PIP4K2A: variants seen among roughly 807,000 people sequenced by gnomAD.
The protein encoded by PIP4K2A is phosphatidylinositol-5-phosphate 4-kinase type 2 alpha, also known as phosphatidylinositol 5-phosphate 4-kinase type-2 alpha.
A neutral mutation model predicts 42.9 loss-of-function variants in PIP4K2A; 14 were observed. That is an observed-to-expected ratio of 0.33 (90% CI 0.22 to 0.51). The LOEUF is 0.51. Ranked by LOEUF, PIP4K2A falls within the 20% of genes least tolerant of loss-of-function variation. The pLI, the probability that PIP4K2A is intolerant of heterozygous loss-of-function variation, is 0.97. For synonymous variants in PIP4K2A, 192 were observed against 192.2 expected, an observed-to-expected ratio of 1.00 and a Z score of 0.01; for missense variants, 434 against 519.8, an observed-to-expected ratio of 0.83 and a Z score of 1.61.
At chr10:22,712,916 GT>G (rs1833936523) in intron 1 of PIP4K2A, among the ~76,000 whole-genome samples, 1 of 133,762 alleles carries the variant, frequency 7.5e-6, no homozygotes, top group African/African-American at 3.7e-5. Context: ...CATTGAGGGT[GT>G]GTGTGTGTGT....
chr10:22,624,465 T>C (rs962653161), intron 1 of PIP4K2A, among the ~76,000 whole-genome samples: 1 of 152,224 alleles, frequency 6.6e-6, no homozygotes, highest in African/African-American at 2.4e-5. Flanking sequence ...GTAAAGATGA[T>C]TCTAACATTT....
rs547213181 is a variant in PIP4K2A, at chr10:22,579,713, G to A, written c.493-6256C>T. 1.7e-4 allele frequency among the ~76,000 whole-genome samples: 26 copies of A among 152,106 alleles called. No homozygotes were observed. The South Asian group carries it at 3.7e-3, about 22-fold the overall frequency. ...TTGAAGTCAGGAGGAGATTGAGACC[G>A]GCCTGGCCAACATAGTGAAACCCCG... On this transcript the variant is annotated intron_variant, in intron 4 of 9. Transcript: ENST00000376573.
chr10:22,668,735 C>A (rs887244441), intron 1 of PIP4K2A, among the ~76,000 whole-genome samples: 2 of 152,114 alleles, frequency 1.3e-5, no homozygotes, highest in African/African-American at 2.4e-5. Context: ...TATTCCTTTC[C>A]AATACACAGT....
intron 5 of PIP4K2A, among the ~76,000 whole-genome samples, chr10:22,569,658 T>C (rs1424019396): frequency 6.6e-6 from 1 of 151,568 alleles, no homozygotes; most frequent in African/African-American, 2.4e-5. Flanking sequence ...TGTGTGTCTG[T>C]GTGTGTGTGT....
intron 1 of PIP4K2A, among the ~76,000 whole-genome samples, chr10:22,668,123 T>TGTATTTTTAGTA (rs1380620186): frequency 1.3e-5 from 2 of 152,162 alleles, no homozygotes; most frequent in Non-Finnish European, 1.5e-5. Flanking sequence ...AGCTGATTTT[T>TGTATTTTTAGTA]GTATTTTTAG....
intron 1 of PIP4K2A, among the ~76,000 whole-genome samples, chr10:22,644,994 A>G (rs1838850925): frequency 6.6e-6 from 1 of 152,236 alleles, no homozygotes; most frequent in African/African-American, 2.4e-5. Flanking sequence ...TCTAAGACTT[A>G]CTGCCTACCC....
At chr10:22,705,269 C>G (rs10828331) in intron 1 of PIP4K2A, among the ~76,000 whole-genome samples, 3 of 151,836 alleles carry the variant, frequency 2.0e-5, no homozygotes, top group African/African-American at 7.3e-5. Context: ...GCTGGCTTTT[C>G]TCTGGCAAAC....
At chr10:22,668,501 A>G (rs1366883558) in intron 1 of PIP4K2A, among the ~76,000 whole-genome samples, 1 of 152,224 alleles carries the variant, frequency 6.6e-6, no homozygotes, top group African/African-American at 2.4e-5. Context: ...TACAAAATAA[A>G]AACCCTTCAT....
chr10:22,708,473 G>T (rs1833858765), intron 1 of PIP4K2A, among the ~76,000 whole-genome samples: 1 of 152,048 alleles, frequency 6.6e-6, no homozygotes, highest in South Asian at 2.1e-4. Flanking sequence ...ATCCTACATG[G>T]TACTGTAACT....
At chr10:22,632,347 T>C (rs1004149848) in intron 1 of PIP4K2A, among the ~76,000 whole-genome samples, 1 of 152,192 alleles carries the variant, frequency 6.6e-6, no homozygotes, top group Non-Finnish European at 1.5e-5. Flanking sequence ...TGGGAGTTCT[T>C]TGTATTATTT....
intron 6 of PIP4K2A, among the ~76,000 whole-genome samples, chr10:22,553,201 G>A (rs1407828756): frequency 6.6e-6 from 1 of 152,214 alleles, no homozygotes; most frequent in Non-Finnish European, 1.5e-5. Context: ...TTACTGAAAG[G>A]ATCAAGAGGC....
intron 1 of PIP4K2A, among the ~76,000 whole-genome samples, chr10:22,656,757 A>G (rs1292403330): frequency 6.6e-6 from 1 of 151,250 alleles, no homozygotes; most frequent in Admixed American, 6.6e-5. Flanking sequence ...AGATCGTGCC[A>G]CTGCACTCCA....
At chr10:22,579,195 G>T (rs1405241215) in intron 4 of PIP4K2A, among the ~76,000 whole-genome samples, 1 of 152,070 alleles carries the variant, frequency 6.6e-6, no homozygotes. Context: ...GGAGAATTCG[G>T]AAATGGTCAC....
At chr10:22,663,848 T>C (rs1839255513) in intron 1 of PIP4K2A, among the ~76,000 whole-genome samples, 1 of 151,344 alleles carries the variant, frequency 6.6e-6, no homozygotes, top group Admixed American at 6.6e-5. Flanking sequence ...CTCACTGTTG[T>C]GCATTCACAA....
chr10:22,680,054 TATC>T (rs1163318593), intron 1 of PIP4K2A, among the ~76,000 whole-genome samples: 3 of 152,256 alleles, frequency 2.0e-5, no homozygotes, highest in African/African-American at 7.2e-5. Flanking sequence ...GTACACTTTA[TATC>T]ATATGTGAAT....
chr10:22,615,994 G>T (rs1838169928), intron 1 of PIP4K2A, among the ~76,000 whole-genome samples: 1 of 152,166 alleles, frequency 6.6e-6, no homozygotes, highest in Non-Finnish European at 1.5e-5. Context: ...CCCCCAAATT[G>T]CAGGTGTGGG....
chr10:22,612,693 A>G (rs1297311252), intron 1 of PIP4K2A, among the ~76,000 whole-genome samples: 3 of 152,164 alleles, frequency 2.0e-5, no homozygotes, highest in Admixed American at 6.5e-5. Flanking sequence ...AAATGTAGGG[A>G]AAGATGGAGG....
At chr10:22,648,821 G>A (rs1358722694) in intron 1 of PIP4K2A, among the ~76,000 whole-genome samples, 1 of 152,176 alleles carries the variant, frequency 6.6e-6, no homozygotes, top group Non-Finnish European at 1.5e-5. Flanking sequence ...AGATCAATTT[G>A]GCCAATGAAT....
chr10:22,678,541 C>G (rs1333904800), intron 1 of PIP4K2A, among the ~76,000 whole-genome samples: 1 of 152,016 alleles, frequency 6.6e-6, no homozygotes, highest in African/African-American at 2.4e-5. Flanking sequence ...TAAAAATAAG[C>G]TGTTGAAAGA....
Sources: gnomAD v4.1 joint callset for allele counts (sites outside exome capture counted in the v4.1 genomes callset) on GRCh38, gnomAD v4.1.1 for gene constraint, MANE v1.5 for transcripts, NCBI Gene and HGNC (gene_info 2026-07-23, HGNC 2026-07-21) for gene names.